PDE2A: variants seen among roughly 807,000 people sequenced by gnomAD.
PDE2A encodes the protein phosphodiesterase 2A, also known as cGMP-dependent 3',5'-cyclic phosphodiesterase.
In PDE2A, 53 loss-of-function variants were observed where a neutral mutation model predicts 133.6. That is an observed-to-expected ratio of 0.40 (90% CI 0.32 to 0.50). The LOEUF (loss-of-function observed/expected upper bound fraction) is 0.50. Ranked by LOEUF, PDE2A falls within the 20% of genes least tolerant of loss-of-function variation. The pLI is 0.73. For missense variants in PDE2A, 796 were observed against 1,232.4 expected (o/e 0.65, Z 5.30); for synonymous variants, 491 against 490.2 (o/e 1.00, Z -0.02).
chr11:72,616,846 C>A (rs1388585430), intron 2 of PDE2A, among the ~76,000 whole-genome samples: 1 of 152,224 alleles, frequency 6.6e-6, no homozygotes, highest in Non-Finnish European at 1.5e-5. Context: ...AGTGAGGACA[C>A]CTCCTCCAGG....
chr11:72,605,184 C>T lies in PDE2A; in HGVS notation c.277G>A (p.Val93Met). The change falls in exon 4 of 31, where the codon GTG (valine) becomes ATG (methionine). Residue 93 changes from valine to methionine, a missense_variant. Physicochemically the swap from Val to Met is conservative, Grantham distance 21. Transcript: ENST00000334456. ...TYLLDGESQL[V>M]CEDPPHELPQ... ...AGCTCATGTGGGGGGTCCTCACACA[C>T]CAGCTGGGACTCACCATCCAGTAGG... The T allele has an allele frequency of 6.2e-7, 1 of 1,611,504 alleles. No homozygotes were observed. Among genetic ancestry groups the T allele is most frequent in the South Asian group, 1.1e-5 (1 of 90,372 alleles).
intron 1 of PDE2A, among the ~76,000 whole-genome samples, chr11:72,642,807 T>TG (rs1394729242): frequency 9.1e-6 from 1 of 109,380 alleles, no homozygotes; most frequent in East Asian, 2.8e-4. Context: ...ACCGGCGCAG[T>TG]GGGGTGGGGT....
chr11:72,597,372 G>C lies in PDE2A; in HGVS notation c.433+138C>G, dbSNP rs1401030423. 6 of 596,922 alleles carry C rather than the reference G, an allele frequency of 1.0e-5. No homozygotes were observed. The highest frequency in any genetic ancestry group is 1.2e-5 in the Non-Finnish European group (4 of 334,630). The allele number at this position is 596,922 out of a possible 1,614,324, so 37.0% of individuals were successfully genotyped here. A position where few individuals can be genotyped will look rare whatever the true frequency, so the allele number is the denominator to read the frequency against. On this transcript the variant is annotated intron_variant, in intron 5 of 30. Coordinates refer to ENST00000334456, the MANE Select transcript of PDE2A (RefSeq NM_002599.5). The surrounding 1 kb of genome is among the most constrained non-coding windows in gnomAD (Gnocchi z 4.6). ...TACAATAGAGAGAGAATTAGATGGA[G>C]GGACTGCTAGAGACACAGAGCAAGA...
intron 1 of PDE2A, among the ~76,000 whole-genome samples, chr11:72,650,403 C>T (rs1019022686): frequency 6.6e-6 from 1 of 152,068 alleles, no homozygotes; most frequent in Non-Finnish European, 1.5e-5. Flanking sequence ...AGTCTCCACC[C>T]TCTCAAAAGG....
At chr11:72,657,050 C>T (rs562015725) in intron 1 of PDE2A, among the ~76,000 whole-genome samples, 147 of 152,254 alleles carry the variant, frequency 9.7e-4, no homozygotes, top group Middle Eastern at 3.4e-3. Flanking sequence ...CCCCATCCCA[C>T]GCTGCTTCAT....
chr11:72,602,653 A>AT (rs1428393867), intron 4 of PDE2A, among the ~76,000 whole-genome samples: 1 of 152,196 alleles, frequency 6.6e-6, no homozygotes, highest in African/African-American at 2.4e-5. Context: ...AAGGCTAATC[A>AT]TTGGTTGGGA....
At chr11:72,614,647 G>A (rs1401305268) in intron 2 of PDE2A, among the ~76,000 whole-genome samples, 1 of 152,194 alleles carries the variant, frequency 6.6e-6, no homozygotes, top group African/African-American at 2.4e-5. Flanking sequence ...GATGCTGCTG[G>A]TCGGGGGACC....
chr11:72,654,519 A>T (rs1854838645), intron 1 of PDE2A, among the ~76,000 whole-genome samples: 2 of 152,000 alleles, frequency 1.3e-5, no homozygotes, highest in Admixed American at 6.5e-5. Context: ...CCAGAGGGAG[A>T]GTGTGGGGTG....
At chr11:72,577,691 G>A in intron 30 of PDE2A, 97 bp from the exon 31 acceptor site, 1 of 836,910 alleles carries the variant, frequency 1.2e-6, no homozygotes, top group South Asian at 1.4e-5. Context: ...CTTCCACAAG[G>A]GCCAGGTACG....
rs751002885 is a variant in PDE2A at position 72,597,479 on chromosome 11, C to A, written c.433+31G>T. 9.1e-6 allele frequency: 12 copies of A among 1,314,458 alleles called. No individual in the cohort carries two copies. The highest frequency in any genetic ancestry group is 1.5e-5 in the African/African-American group (1 of 68,814). 81.4% of individuals were successfully genotyped at this position (1,314,458 alleles called of 1,614,324 possible). A position where few individuals can be genotyped will look rare whatever the true frequency, so the allele number is the denominator to read the frequency against. Reference sequence around the variant, plus strand: ...GGGCCACAGTCCCTCCCTGCCCCTGCCCCTGCCCCTGCCCAGCCCCTAGCC... The same window carrying A: ...GGGCCACAGTCCCTCCCTGCCCCTGACCCTGCCCCTGCCCAGCCCCTAGCC... On this transcript the variant is annotated intron_variant, in intron 5 of 30. Transcript: ENST00000334456. The surrounding 1 kb of genome is among the most constrained non-coding windows in gnomAD (Gnocchi z 4.6).
intron 1 of PDE2A, among the ~76,000 whole-genome samples, chr11:72,662,781 T>C (rs975439757): frequency 4.6e-5 from 7 of 152,116 alleles, no homozygotes; most frequent in Admixed American, 3.3e-4. Flanking sequence ...CAATACTGCC[T>C]CTCACCTGGG....
At chr11:72,610,324 C>A (rs1438640422) in intron 2 of PDE2A, among the ~76,000 whole-genome samples, 1 of 152,144 alleles carries the variant, frequency 6.6e-6, no homozygotes, top group Admixed American at 6.5e-5. Flanking sequence ...CAAAGGCATG[C>A]CACAGGTCAC....
chr11:72,618,998 C>T (rs193285088), intron 2 of PDE2A, among the ~76,000 whole-genome samples: 1 of 152,326 alleles, frequency 6.6e-6, no homozygotes, highest in East Asian at 1.9e-4. Context: ...CTCCTACTTT[C>T]CTTCCTCACA....
At chr11:72,645,828 A>G (rs1859115560) in intron 1 of PDE2A, among the ~76,000 whole-genome samples, 1 of 152,192 alleles carries the variant, frequency 6.6e-6, no homozygotes, top group African/African-American at 2.4e-5. Context: ...CATCTTCTCA[A>G]CAATGTTATA....
In PDE2A at chr11:72,590,100, G is replaced by C; in HGVS notation, c.756+92C>G. On this transcript the variant is annotated intron_variant, in intron 9 of 30. Transcript: ENST00000334456. This position sits in a 1 kb window ranked among gnomAD's most constrained non-coding sequence, Gnocchi z 4.8. ...GGAGGAGAGAGGAAGGAAGGACATC[G>C]TAATTGGAACTGAGATGGAGGGCTC... is the stretch of plus-strand genomic sequence containing the variant. 7.2e-7 allele frequency: 1 copy of C among 1,395,404 alleles called. No individual in the cohort carries two copies. Among genetic ancestry groups the C allele is most frequent in the Non-Finnish European group, 9.9e-7 (1 of 1,011,538 alleles). The allele number at this position is 1,395,404 out of a possible 1,614,324, so 86.4% of individuals were successfully genotyped here. A position where few individuals can be genotyped will look rare whatever the true frequency, so the allele number is the denominator to read the frequency against.
At chr11:72,668,956 A>G in intron 1 of PDE2A, 1 of 1,003,708 alleles carries the variant, frequency 1.0e-6, no homozygotes, top group Non-Finnish European at 1.2e-6. Context: ...GGCCCCGCTA[A>G]ATCTTTCTGA....
At chr11:72,648,170 A>ACC (rs1420575293) in intron 1 of PDE2A, among the ~76,000 whole-genome samples, 1 of 152,146 alleles carries the variant, frequency 6.6e-6, no homozygotes, top group Non-Finnish European at 1.5e-5. Flanking sequence ...GTCCTCCAAT[A>ACC]CCAGGATCTA....
intron 2 of PDE2A, among the ~76,000 whole-genome samples, chr11:72,629,084 G>A (rs1462211490): frequency 2.0e-5 from 3 of 152,212 alleles, no homozygotes; most frequent in Admixed American, 1.3e-4. Flanking sequence ...AGAGCTGAGG[G>A]CTGAGGAGCT....
At chr11:72,643,582 GC>G (rs1421485632) in intron 1 of PDE2A, 1 of 152,324 alleles carries the variant, frequency 6.6e-6, no homozygotes, top group African/African-American at 2.4e-5. Flanking sequence ...TGCACTGCCG[GC>G]CCCTCTCTCT....
Sources: gnomAD v4.1 joint callset for allele counts (sites outside exome capture counted in the v4.1 genomes callset) on GRCh38, gnomAD v4.1.1 for gene constraint, Gnocchi (gnomAD v3.1) non-coding constraint, MANE v1.5 for transcripts, NCBI Gene and HGNC (gene_info 2026-07-23, HGNC 2026-07-21) for gene names.